The following MICU1 variants were observed in gnomAD, a reference collection of about 807,000 sequenced individuals.
MICU1 encodes calcium uptake protein 1, mitochondrial.
In MICU1, 45 loss-of-function variants were observed where a neutral mutation model predicts 56.8. The ratio of observed to expected loss-of-function variants is 0.79; its 90% CI spans 0.62 to 1.02. The LOEUF is 1.02. Ranked by LOEUF, MICU1 falls within the 50% of genes least tolerant of loss-of-function variation. MICU1 has a pLI of 0.00. For synonymous variants in MICU1, 186 were observed against 195.1 expected (o/e 0.95, Z 0.39); for missense variants, 504 against 587.1 (o/e 0.86, Z 1.46).
chr10:72,610,359 T>C (rs911505941), intron 1 of MICU1, among the ~76,000 whole-genome samples: 6 of 152,116 alleles, frequency 3.9e-5, no homozygotes, highest in Non-Finnish European at 8.8e-5. Context: ...TTATGTGGAA[T>C]ATGGCAACTG....
At chr10:72,583,531 T>C (rs1840963457) in intron 1 of MICU1, among the ~76,000 whole-genome samples, 1 of 152,164 alleles carries the variant, frequency 6.6e-6, no homozygotes, top group Non-Finnish European at 1.5e-5. Context: ...TCCCCCTGCC[T>C]TGGCCTCCCA....
rs1260596229 is a variant in MICU1, at chr10:72,566,641, C to A, written c.153G>T (p.Leu51Phe). Reference sequence around the variant, plus strand: ...GGTTGGATAACACTCACCTCTTCCACAAAAGACCAGTACTTGCAGTTACTG... The same window carrying A: ...GGTTGGATAACACTCACCTCTTCCAAAAAAGACCAGTACTTGCAGTTACTG... ...ASAVTASTGL[L>F]WKRAHAESPP... Residue 51 changes from leucine to phenylalanine, a missense_variant, in exon 2 of 12, where the codon TTG becomes TTT. Leu to Phe is a conservative substitution (Grantham distance 22). Transcript: ENST00000361114. 1.2e-6 allele frequency: 2 copies of A among 1,612,020 alleles called. No homozygotes were observed. The highest frequency in any genetic ancestry group is 1.7e-6 in the Non-Finnish European group (2 of 1,179,080).
intron 8 of MICU1, among the ~76,000 whole-genome samples, chr10:72,471,179 G>A (rs900717910): frequency 2.6e-5 from 4 of 152,040 alleles, no homozygotes; most frequent in South Asian, 2.1e-4. Flanking sequence ...CCACCTCCCC[G>A]GTTCAAGCGA....
chr10:72,425,902 C>T (rs913905097), intron 8 of MICU1, among the ~76,000 whole-genome samples: 4 of 152,090 alleles, frequency 2.6e-5, no homozygotes, highest in African/African-American at 7.2e-5. Context: ...GACCTTCATT[C>T]GGGTTAAATT....
intron 10 of MICU1, among the ~76,000 whole-genome samples, chr10:72,378,560 A>G (rs912269789): frequency 6.6e-6 from 1 of 152,188 alleles, no homozygotes; most frequent in Non-Finnish European, 1.5e-5. Context: ...CTGTGAGCCA[A>G]TTAAGCCTCT....
intron 10 of MICU1, among the ~76,000 whole-genome samples, chr10:72,392,376 C>T (rs143048542): frequency 0.01 from 1,595 of 152,200 alleles, 8 homozygotes; most frequent in Non-Finnish European, 0.019. Context: ...TCAAGACCAG[C>T]CTGGCCAATA....
At chr10:72,435,821 G>A (rs369886001) in intron 8 of MICU1, among the ~76,000 whole-genome samples, 4 of 152,394 alleles carry the variant, frequency 2.6e-5, no homozygotes, top group Admixed American at 1.3e-4. Context: ...CTGCAAGGCT[G>A]CAGCTGGGCA....
chr10:72,551,121 C>A (rs1417227238), intron 4 of MICU1, 58 bp downstream of exon 4: 2 of 1,486,404 alleles, frequency 1.3e-6, no homozygotes, highest in Non-Finnish European at 1.8e-6. Flanking sequence ...TAGAAAGAGA[C>A]AAAGTAGCCT....
At chr10:72,494,580 T>C (rs1415337717) in intron 6 of MICU1, among the ~76,000 whole-genome samples, 1 of 152,078 alleles carries the variant, frequency 6.6e-6, no homozygotes, top group African/African-American at 2.4e-5. Context: ...GAGCTCTTTA[T>C]TCGTTATCAG....
chr10:72,499,471 T>C (rs1344883452), intron 6 of MICU1, among the ~76,000 whole-genome samples: 1 of 152,184 alleles, frequency 6.6e-6, no homozygotes, highest in Non-Finnish European at 1.5e-5. Flanking sequence ...TATTGGTAAA[T>C]AACACATTGT....
chr10:72,522,285 A>G (rs568382782), intron 5 of MICU1, among the ~76,000 whole-genome samples: 4 of 152,276 alleles, frequency 2.6e-5, no homozygotes, highest in African/African-American at 9.6e-5. Context: ...GTGATTTTTG[A>G]ATCTTGTTTT....
At chr10:72,391,453 A>AATAC (rs1229165503) in intron 10 of MICU1, among the ~76,000 whole-genome samples, 1 of 152,096 alleles carries the variant, frequency 6.6e-6, no homozygotes, top group Admixed American at 6.5e-5. Flanking sequence ...AAAATAAATA[A>AATAC]ATAAAATAAA....
chr10:72,446,670 T>G (rs755887328), intron 8 of MICU1, among the ~76,000 whole-genome samples: 2 of 152,212 alleles, frequency 1.3e-5, no homozygotes, highest in Non-Finnish European at 2.9e-5. Context: ...ATATTTTTAG[T>G]GTAGAGCATT....
chr10:72,463,061 C>T (rs905742071), intron 8 of MICU1, among the ~76,000 whole-genome samples: 19 of 151,402 alleles, frequency 1.3e-4, no homozygotes, highest in African/African-American at 3.7e-4. Flanking sequence ...CTCTATGAGT[C>T]TTCTGCACTT....
intron 8 of MICU1, among the ~76,000 whole-genome samples, chr10:72,457,747 G>A (rs977298920): frequency 6.6e-6 from 1 of 152,052 alleles, no homozygotes; most frequent in African/African-American, 2.4e-5. Context: ...GACAGAGAGA[G>A]AGATAGTCAC....
intron 1 of MICU1, among the ~76,000 whole-genome samples, chr10:72,590,111 A>T (rs1012447770): frequency 1.3e-5 from 2 of 152,208 alleles, no homozygotes; most frequent in Non-Finnish European, 2.9e-5. Context: ...ACATACTGGC[A>T]AAACAGATTT....
chr10:72,565,320 T>A (rs577896875), intron 2 of MICU1, among the ~76,000 whole-genome samples: 18 of 152,006 alleles, frequency 1.2e-4, no homozygotes, highest in Non-Finnish European at 2.4e-4. Context: ...TAAAACATGA[T>A]GAGTTCGTGT....
chr10:72,520,226 T>C (rs1163169497), intron 5 of MICU1, among the ~76,000 whole-genome samples: 1 of 152,138 alleles, frequency 6.6e-6, no homozygotes, highest in Non-Finnish European at 1.5e-5. Context: ...AATTTTCCCA[T>C]GCAATTAATG....
intron 10 of MICU1, among the ~76,000 whole-genome samples, chr10:72,395,442 T>C (rs1035388958): frequency 1.3e-5 from 2 of 152,146 alleles, no homozygotes; most frequent in African/African-American, 4.8e-5. Context: ...GGACAGTGGG[T>C]GCAGCCCACG....
Sources: gnomAD v4.1 joint callset for allele counts (sites outside exome capture counted in the v4.1 genomes callset) on GRCh38, gnomAD v4.1.1 for gene constraint, MANE v1.5 for transcripts, NCBI Gene and HGNC (gene_info 2026-07-23, HGNC 2026-07-21) for gene names.